The following TXNDC12 variants were observed in gnomAD, a reference collection of about 807,000 sequenced individuals.
TXNDC12 encodes thioredoxin domain containing 12, also known as thioredoxin domain-containing protein 12.
In TXNDC12, 22 loss-of-function variants were observed where a neutral mutation model predicts 24.2. The ratio of observed to expected loss-of-function variants is 0.91; its 90% confidence interval spans 0.65 to 1.30. The LOEUF (loss-of-function observed/expected upper bound fraction) is 1.30. Ranked by LOEUF, TXNDC12 falls within the 50% of genes most tolerant of loss-of-function variation. The probability of loss-of-function intolerance (pLI) is 0.00; values close to 1 mark genes in which losing one functional copy is unlikely to be tolerated. For synonymous variants in TXNDC12, 58 were observed against 73.4 expected, an observed-to-expected ratio of 0.79 and a Z score of 1.07; for missense variants, 184 against 205.8, an observed-to-expected ratio of 0.89 and a Z score of 0.65.
intron 1 of TXNDC12, among the ~76,000 whole-genome samples, chr1:52,048,759 A>C (rs1686144984): frequency 6.6e-6 from 1 of 152,110 alleles, no homozygotes; most frequent in East Asian, 1.9e-4. Flanking sequence ...TGGGAGGCTG[A>C]GGTGGGAGAA....
At chr1:52,045,754 A>G (rs1686079611) in intron 1 of TXNDC12, among the ~76,000 whole-genome samples, 1 of 152,188 alleles carries the variant, frequency 6.6e-6, no homozygotes. Flanking sequence ...TTGGTTCGTC[A>G]ATTGTAACAA....
intron 3 of TXNDC12, among the ~76,000 whole-genome samples, chr1:52,027,609 A>G (rs1685688932): frequency 6.6e-6 from 1 of 152,026 alleles, no homozygotes; most frequent in African/African-American, 2.4e-5. Flanking sequence ...TGGCATACGA[A>G]TAGGGGGGAA....
At chr1:52,034,852 C>T (rs2124373818) in intron 2 of TXNDC12, among the ~76,000 whole-genome samples, 1 of 152,280 alleles carries the variant, frequency 6.6e-6, no homozygotes, top group East Asian at 1.9e-4. Context: ...CAACCTCCAC[C>T]TCCTGAGTTC....
In TXNDC12 at chr1:52,055,061, C is replaced by G. The variant is rs1232277764; in HGVS notation, c.36G>C (p.Leu12Phe). Residue 12 changes from leucine to phenylalanine, a missense_variant, in exon 1 of 7, where the codon TTG becomes TTC. Transcript: ENST00000371626. ...ETRPRLGATC[L>F]LGFSFLLLVI... ...CGAGGAGCAGGAAACTGAAGCCCAG[C>G]AAACAGGTGGCCCCGAGACGAGGCC... 3 of 1,614,000 alleles carry G rather than the reference C, an allele frequency of 1.9e-6. No individual in the cohort carries two copies. Among genetic ancestry groups the G allele is most frequent in the African/African-American group, 2.7e-5 (2 of 74,942 alleles).
At chr1:52,055,364 G>A, upstream of TXNDC12, 1 of 439,112 alleles carries the variant, frequency 2.3e-6, no homozygotes, top group Non-Finnish European at 4.2e-6. Context: ...GATTCTGGGT[G>A]TCCAGGTCCC....
At chr1:52,042,870 C>T (rs1274101874) in intron 1 of TXNDC12, among the ~76,000 whole-genome samples, 3 of 152,254 alleles carry the variant, frequency 2.0e-5, no homozygotes, top group African/African-American at 4.8e-5. Flanking sequence ...GATCTGCCCG[C>T]CTCAGCCTCC....
chr1:52,047,794 A>C (rs1221006699), intron 1 of TXNDC12, among the ~76,000 whole-genome samples: 1 of 152,120 alleles, frequency 6.6e-6, no homozygotes, highest in Non-Finnish European at 1.5e-5. Flanking sequence ...AATATGAGAC[A>C]ACTCCTTATA....
intron 5 of TXNDC12, 52 bp downstream of exon 5, chr1:52,024,458 T>A: frequency 2.1e-6 from 3 of 1,421,510 alleles, no homozygotes; most frequent in Non-Finnish European, 3.0e-6. Flanking sequence ...CCTTGATTCA[T>A]TTCTCTCTCC....
chr1:52,054,972 T>C, intron 1 of TXNDC12, 28 bp downstream of exon 1: 2 of 1,526,130 alleles, frequency 1.3e-6, no homozygotes, highest in Non-Finnish European at 1.8e-6. Flanking sequence ...TAAAGATCAG[T>C]AAAGAGAAGA....
At position 52,026,360 on chromosome 1, in the gene TXNDC12, A is replaced by T. The variant is rs1173786611; in HGVS notation, c.285+915T>A. ...ACCAATAGCCTAAAAATCCCTTCCA[A>T]CTCTAAGATCTGACATTCTATGACT... On this transcript the variant is annotated intron_variant, in intron 4 of 6. Transcript: ENST00000371626. Among the ~76,000 whole-genome samples the T allele has an allele frequency of 5.9e-5, 9 of 151,850 alleles. 1 individual carries two copies. In the South Asian group the frequency reaches 1.9e-3, roughly 32 times the overall value.
intron 1 of TXNDC12, among the ~76,000 whole-genome samples, chr1:52,043,512 T>G (rs1015964898): frequency 1.3e-5 from 2 of 152,256 alleles, no homozygotes; most frequent in African/African-American, 2.4e-5. Context: ...CATTTAAATT[T>G]GGCCTTATTA....
At position 52,032,995 on chromosome 1, in the gene TXNDC12, G is replaced by A. The variant is rs199935747; in HGVS notation, c.159-4365C>T. 7 of 1,563,376 alleles carry A rather than the reference G, an allele frequency of 4.5e-6. No homozygotes were observed. The East Asian group carries it at 1.6e-4, about 35-fold the overall frequency. On this transcript the variant is annotated intron_variant, in intron 2 of 6. Coordinates refer to ENST00000371626, the MANE Select transcript of TXNDC12 (RefSeq NM_015913.4). Reference sequence around the variant, plus strand: ...GGGCTGGGACTGCGTAGACTGATGGGGTGGTGGGGCCCGGTTCTCAAACAG... The same window carrying A: ...GGGCTGGGACTGCGTAGACTGATGGAGTGGTGGGGCCCGGTTCTCAAACAG...
At chr1:52,029,002 C>A (rs779234707) in intron 2 of TXNDC12, among the ~76,000 whole-genome samples, 13 of 152,100 alleles carry the variant, frequency 8.5e-5, no homozygotes, top group Non-Finnish European at 8.8e-5. Flanking sequence ...GTGGCACGTG[C>A]CTGTAGTCCC....
chr1:52,033,761 T>C, intron 2 of TXNDC12: 5 of 1,592,942 alleles, frequency 3.1e-6, no homozygotes, highest in Non-Finnish European at 3.4e-6. Context: ...ACGAGCGGCA[T>C]CCTCTCAGGG....
In TXNDC12 at chr1:52,050,181, G is replaced by A. The variant is rs80148037; in HGVS notation, c.97+4819C>T. Among the ~76,000 whole-genome samples the A allele has an allele frequency of 3.3e-3, 504 of 152,166 alleles. 3 individuals carry two copies. The highest frequency in any genetic ancestry group is 0.012 in the African/African-American group (480 of 41,518). On this transcript the variant is annotated intron_variant, in intron 1 of 6. Coordinates refer to ENST00000371626, the MANE Select transcript of TXNDC12 (RefSeq NM_015913.4). ...ATGCAGCTTCACCAAAGCAGAATGG[G>A]AACACCAACTTCAGATCTGGAAAAC... is the stretch of plus-strand genomic sequence containing the variant.
chr1:52,049,539 T>C (rs1454720332), intron 1 of TXNDC12, among the ~76,000 whole-genome samples: 1 of 152,174 alleles, frequency 6.6e-6, no homozygotes, highest in Non-Finnish European at 1.5e-5. Flanking sequence ...TGAGCTGAGA[T>C]TGCGTCACTG....
chr1:52,026,500 T>C (rs1212741278), intron 4 of TXNDC12, among the ~76,000 whole-genome samples: 1 of 152,230 alleles, frequency 6.6e-6, no homozygotes. Flanking sequence ...GAATCACATT[T>C]TGCAGAAAGT....
rs1238766971 is a variant in TXNDC12, at chr1:52,020,603, G to GA, written c.*329dup. On this transcript the variant is annotated 3_prime_UTR_variant, in exon 7 of 7. Transcript: ENST00000371626. Reference sequence around the variant, plus strand: ...AGGTGAGTAAAGTGGGAGGAAATGGGAAAAGACTCAAATACTTAAGTGCGA... The same window carrying GA: ...AGGTGAGTAAAGTGGGAGGAAATGGGAAAAAGACTCAAATACTTAAGTGCGA... 1.6e-5 allele frequency: 5 copies of GA among 318,656 alleles called. No individual in the cohort carries two copies. Among genetic ancestry groups the GA allele is most frequent in the Non-Finnish European group, 2.9e-5 (5 of 173,448 alleles). The allele number at this position is 318,656 out of a possible 1,614,324, so 19.7% of individuals were successfully genotyped here.
chr1:52,041,877 G>A (rs1685999034), intron 1 of TXNDC12, among the ~76,000 whole-genome samples: 1 of 152,222 alleles, frequency 6.6e-6, no homozygotes, highest in Admixed American at 6.5e-5. Context: ...CACGGAATAT[G>A]CTAATAATAC....
Sources: gnomAD v4.1 joint callset for allele counts (sites outside exome capture counted in the v4.1 genomes callset) on GRCh38, gnomAD v4.1.1 for gene constraint, MANE v1.5 for transcripts, NCBI Gene and HGNC (gene_info 2026-07-23, HGNC 2026-07-21) for gene names.